The following GSTA5 variants were observed in gnomAD, a reference collection of about 807,000 sequenced individuals.
The protein encoded by GSTA5 is glutathione S-transferase alpha 5, also known as glutathione S-transferase A5.
Under a neutral mutation model 21.8 loss-of-function variants are expected in GSTA5, and 25 were observed. The observed-to-expected ratio is 1.14, with a 90% CI of 0.83 to 1.60. GSTA5 has a LOEUF of 1.60. Among genes scored for constraint, GSTA5 ranks in the 40% most tolerant of loss-of-function variants. The probability of loss-of-function intolerance (pLI) is 0.00; values close to 1 mark genes in which losing one functional copy is unlikely to be tolerated. For missense variants in GSTA5, 330 were observed against 259.2 expected (o/e 1.27, Z -1.88); for synonymous variants, 102 against 89.5 (o/e 1.14, Z -0.78).
chr6:52,835,037 C>A (rs977254112), intron 3 of GSTA5, among the ~76,000 whole-genome samples: 20 of 152,196 alleles, frequency 1.3e-4, no homozygotes, highest in Non-Finnish European at 2.9e-5. Context: ...GTAATTGCAA[C>A]CTGTTAAATT....
In GSTA5 at chr6:52,836,233, T is replaced by C. The variant is rs1484021405; in HGVS notation, c.272+3A>G. On this transcript the variant is annotated splice_donor_region_variant and intron_variant, in intron 3 of 5. Coordinates refer to ENST00000370989, the Ensembl canonical transcript of GSTA5. ...GGATGGAAGAACAGAAAATATACCA[T>C]ACAGGGCTCTCTCCTTCATGTCTTT... 1.9e-6 allele frequency: 3 copies of C among 1,612,744 alleles called. No homozygotes were observed. Among genetic ancestry groups the C allele is most frequent in the South Asian group, 2.2e-5 (2 of 91,004 alleles).
intron 5 of GSTA5, 85 bp from the exon 6 acceptor site, chr6:52,832,055 GC>G: frequency 6.5e-7 from 1 of 1,535,226 alleles, no homozygotes; most frequent in Admixed American, 2.2e-5. Context: ...AGCCCCTCAT[GC>G]CAAAGACCAA....
At chr6:52,841,801 C>G (rs1162578832), upstream of GSTA5, among the ~76,000 whole-genome samples, 1 of 152,084 alleles carries the variant, frequency 6.6e-6, no homozygotes, top group East Asian at 1.9e-4. Flanking sequence ...AGTAACTTAC[C>G]CAGATTAAGT....
chr6:52,844,207 T>A (rs1561928760), upstream of GSTA5, among the ~76,000 whole-genome samples: 1 of 152,230 alleles, frequency 6.6e-6, no homozygotes, highest in Non-Finnish European at 1.5e-5. Context: ...GAACTCCTTC[T>A]GATTGCAGGA....
At chr6:52,840,585 C>G in intron 1 of GSTA5, 142 bp downstream of exon 1, 1 of 772,878 alleles carries the variant, frequency 1.3e-6, no homozygotes, top group Non-Finnish European at 2.1e-6. Context: ...TAGGTCAAAT[C>G]TATTCATCTT....
At chr6:52,841,225 G>A (rs1764374068), upstream of GSTA5, among the ~76,000 whole-genome samples, 2 of 152,162 alleles carry the variant, frequency 1.3e-5, no homozygotes, top group Admixed American at 1.3e-4. Context: ...TCATTAAATG[G>A]TTGTTTTCTC....
At chr6:52,837,790 C>A (rs537760887) in intron 1 of GSTA5, among the ~76,000 whole-genome samples, 181 bp from the exon 2 acceptor site, 11 of 152,312 alleles carry the variant, frequency 7.2e-5, no homozygotes, top group Non-Finnish European at 1.5e-5. Context: ...GAGAAAAGTG[C>A]ATGGGTCACA....
chr6:52,838,887 G>A (rs1183556428), intron 1 of GSTA5, among the ~76,000 whole-genome samples: 1 of 152,176 alleles, frequency 6.6e-6, no homozygotes. Context: ...GTTTCAAAAT[G>A]CATGATACAG....
intron 1 of GSTA5, among the ~76,000 whole-genome samples, chr6:52,840,520 C>A (rs557755879): frequency 2.0e-5 from 3 of 152,146 alleles, no homozygotes; most frequent in African/African-American, 7.2e-5. Flanking sequence ...TGATTAGTTT[C>A]TTAATTGTAT....
At chr6:52,836,467 A>T in intron 2 of GSTA5, 99 bp from the exon 3 acceptor site, 1 of 1,256,980 alleles carries the variant, frequency 8.0e-7, no homozygotes, top group Non-Finnish European at 1.1e-6. Flanking sequence ...TTGTGAAATG[A>T]AAAAGAAATT....
chr6:52,834,424 C>A, intron 3 of GSTA5, 142 bp from the exon 4 acceptor site: 2 of 722,652 alleles, frequency 2.8e-6, no homozygotes, highest in African/African-American at 1.8e-5. Context: ...AGTCATTATG[C>A]TCTGAGTTTT....
intron 1 of GSTA5, among the ~76,000 whole-genome samples, chr6:52,839,036 A>G (rs1764334983): frequency 6.6e-6 from 1 of 152,116 alleles, no homozygotes; most frequent in East Asian, 1.9e-4. Context: ...TTTGTTGTGG[A>G]TCTATGATCA....
intron 1 of GSTA5, among the ~76,000 whole-genome samples, chr6:52,837,880 G>A (rs1764315592): frequency 6.6e-6 from 1 of 152,190 alleles, no homozygotes; most frequent in Non-Finnish European, 1.5e-5. Context: ...TTTGAGAGGG[G>A]ACATCACTGG....
At chr6:52,839,452 G>T (rs747384703) in intron 1 of GSTA5, among the ~76,000 whole-genome samples, 4 of 152,186 alleles carry the variant, frequency 2.6e-5, no homozygotes, top group Non-Finnish European at 4.4e-5. Context: ...GATAGTGTTT[G>T]GATTTCTTAT....
chr6:52,833,404 A>G (rs1764245428), intron 4 of GSTA5, among the ~76,000 whole-genome samples: 1 of 151,916 alleles, frequency 6.6e-6, no homozygotes, highest in African/African-American at 2.4e-5. Context: ...CACCTTCATG[A>G]CAACACTTTT....
At position 52,836,278 on chromosome 6, in the gene GSTA5, C is replaced by T. The variant is rs567206499; in HGVS notation, c.230G>A (p.Ser77Asn). 5 of 1,613,882 alleles carry T rather than the reference C, an allele frequency of 3.1e-6. No individual in the cohort carries two copies. The South Asian group carries it at 5.5e-5, about 18-fold the overall frequency. Residue 77 changes from serine to asparagine, a missense_variant, in exon 3 of 6, where the codon AGC becomes AAC. Transcript: ENST00000370989. ...GTCTTTCCCATAAAGGTTGTATTTG[C>T]TGGCAATGTAGTTAAGAATGGCTCT... is the stretch of plus-strand genomic sequence containing the variant.
intron 3 of GSTA5, among the ~76,000 whole-genome samples, chr6:52,836,022 C>T (rs183526237): frequency 2.4e-4 from 37 of 152,302 alleles, no homozygotes; most frequent in African/African-American, 8.9e-4. Context: ...GATCCATGGA[C>T]TGCATCCTCT....
At chr6:52,832,772 T>A in intron 5 of GSTA5, 87 bp downstream of exon 5, 1 of 1,594,816 alleles carries the variant, frequency 6.3e-7, no homozygotes, top group Non-Finnish European at 8.6e-7. Flanking sequence ...AAGGGTGGGG[T>A]CAAAACATGG....
At chr6:52,846,146 C>G in the GSTA5 span, 99 of 167,310 alleles carry the variant, frequency 5.9e-4, no homozygotes, top group Non-Finnish European at 1.1e-3. Flanking sequence ...TTCAATAGTT[C>G]CCTCCCACTG....
Sources: allele counts gnomAD v4.1 joint callset (sites outside exome capture counted in the v4.1 genomes callset), GRCh38; gene constraint gnomAD v4.1.1; transcripts MANE v1.5; gene names NCBI Gene and HGNC (gene_info 2026-07-23, HGNC 2026-07-21).